The following ZNF251 variants were observed in gnomAD, a reference collection of about 807,000 sequenced individuals.
The protein encoded by ZNF251 is zinc finger protein 251.
ZNF251 carries 14 observed loss-of-function variants against 13.5 expected under a neutral mutation model. That is an observed-to-expected ratio of 1.04 (90% CI 0.69 to 1.63). ZNF251 has a LOEUF of 1.63. Ranked by LOEUF, ZNF251 falls within the 40% of genes most tolerant of loss-of-function variation. ZNF251 has a pLI of 0.00. For synonymous variants in ZNF251, 287 were observed against 295.2 expected, an observed-to-expected ratio of 0.97 and a Z score of 0.28; for missense variants, 764 against 834.9, an observed-to-expected ratio of 0.92 and a Z score of 1.05.
At chr8:144,740,333 T>C (rs1294724915) in intron 4 of ZNF251, among the ~76,000 whole-genome samples, 1 of 149,470 alleles carries the variant, frequency 6.7e-6, no homozygotes, top group Non-Finnish European at 1.5e-5. Flanking sequence ...TGAAGTTTTG[T>C]TGTGTTTTAA....
At chr8:144,753,881 GTGTGTA>G in intron 3 of ZNF251, 85 bp from the exon 4 acceptor site, 1 of 1,047,100 alleles carries the variant, frequency 9.6e-7, no homozygotes, top group Non-Finnish European at 1.4e-6. Context: ...CTGTGTGCAC[GTGTGTA>G]CGCCTGCACG....
At position 144,754,233 on chromosome 8, in the gene ZNF251, C is replaced by T. The variant is rs958659174; in HGVS notation, c.122G>A (p.Arg41Gln). The T allele has an allele frequency of 6.2e-6, 10 of 1,614,052 alleles. No homozygotes were observed. In the East Asian group the frequency reaches 1.3e-4, roughly 22 times the overall value. ...CCCATAGTTCTCCAGCATCACATCC[C>T]GGTAGAGCGCCCGCTGCTGGGGGCC... ...QLGPQQRALYRDVMLENYGNV... is the reference protein window; with the variant it reads ...QLGPQQRALYQDVMLENYGNV... The change falls in exon 3 of 5, where the codon CGG becomes CAG. Residue 41 changes from arginine to glutamine, a missense_variant. Transcript: ENST00000292562.
chr8:144,749,447 C>G (rs1210902675), intron 4 of ZNF251, among the ~76,000 whole-genome samples: 1 of 152,046 alleles, frequency 6.6e-6, no homozygotes. Flanking sequence ...GACTGTGCCA[C>G]TGCACTCCAC....
chr8:144,730,108 C>T (rs1823650143), intron 4 of ZNF251: 1 of 985,330 alleles, frequency 1.0e-6, no homozygotes, highest in Non-Finnish European at 1.2e-6. Context: ...TCACCAGAGT[C>T]GGCTGAAAAG....
At chr8:144,749,051 G>A (rs906930844) in intron 4 of ZNF251, among the ~76,000 whole-genome samples, 3 of 152,334 alleles carry the variant, frequency 2.0e-5, no homozygotes, top group Admixed American at 6.5e-5. Flanking sequence ...TGTAGTCCCA[G>A]CTGCCCGGGA....
At position 144,755,508 on chromosome 8, in the gene ZNF251, G is replaced by T; in HGVS notation, c.-179C>A. 7.8e-7 allele frequency: 1 copy of T among 1,286,510 alleles called. No individual in the cohort carries two copies. Among genetic ancestry groups the T allele is most frequent in the Non-Finnish European group, 1.0e-6 (1 of 988,464 alleles). 79.7% of individuals were successfully genotyped at this position (1,286,510 alleles called of 1,614,324 possible). A position where few individuals can be genotyped will look rare whatever the true frequency, so the allele number is the denominator to read the frequency against. ...CCACAGAACCGGGTCCAGAGCCGGG[G>T]AGGGGGCGGGCTAGGATGAAGAGGG... On this transcript the variant is annotated 5_prime_UTR_variant, in exon 1 of 5. Transcript: ENST00000292562.
chr8:144,732,726 G>T (rs553224780), intron 4 of ZNF251, among the ~76,000 whole-genome samples: 76 of 151,416 alleles, frequency 5.0e-4, no homozygotes, highest in Non-Finnish European at 1.0e-3. Context: ...GCAGGAGAAT[G>T]GCGTGAACCC....
At chr8:144,754,904 G>GA in intron 1 of ZNF251, 101 bp from the exon 2 acceptor site, 3 of 1,443,756 alleles carry the variant, frequency 2.1e-6, no homozygotes, top group Non-Finnish European at 2.7e-6. Flanking sequence ...CTGGGTCGCG[G>GA]GAGGCAGGTC....
At position 144,724,104 on chromosome 8, in the gene ZNF251, C is replaced by T. The variant is rs575619827; in HGVS notation, c.278-722G>A. Among the ~76,000 whole-genome samples, 17 of 151,838 alleles carry T rather than the reference C, an allele frequency of 1.1e-4. No homozygotes were observed. In the East Asian group the frequency reaches 2.1e-3, roughly 19 times the overall value. On this transcript the variant is annotated intron_variant, in intron 4 of 4. Transcript: ENST00000292562. The stretch of plus-strand genomic sequence containing the variant: ...TAAAAATACAAAAAAATTAGCCAGT[C>T]GAGGTGGCAGGCGCCCGTAGTCCCA...
intron 4 of ZNF251, among the ~76,000 whole-genome samples, chr8:144,730,828 C>T (rs979438955): frequency 4.6e-5 from 7 of 152,364 alleles, no homozygotes; most frequent in African/African-American, 1.4e-4. Context: ...CACCTGTGCT[C>T]ACCACTGCCC....
chr8:144,722,704 T>C lies in ZNF251; in HGVS notation c.956A>G (p.Lys319Arg). 1 of 1,614,092 alleles carries C rather than the reference T, an allele frequency of 6.2e-7. No homozygotes were observed. ...IQHRIIHTGE[K>R]PYKCNECGRG... ...TCCACATTCATTACACTTGTAGGGT[T>C]TCTCTCCTGTGTGAATGATCCGATG... Residue 319 changes from lysine (K) to arginine (R), a missense_variant, in exon 5 of 5, where the codon AAA (lysine) becomes AGA (arginine). Transcript: ENST00000292562. This position sits in a 1 kb window ranked among gnomAD's most constrained non-coding sequence, Gnocchi z 4.8.
intron 4 of ZNF251, among the ~76,000 whole-genome samples, chr8:144,742,593 C>T (rs1041553800): frequency 1.1e-4 from 16 of 151,794 alleles, no homozygotes; most frequent in Admixed American, 6.6e-5. Flanking sequence ...CTCGTGGTGC[C>T]GCGTGATCTA....
chr8:144,732,624 AAC>A (rs1186384610), intron 4 of ZNF251, among the ~76,000 whole-genome samples: 1 of 151,436 alleles, frequency 6.6e-6, no homozygotes, highest in Non-Finnish European at 1.5e-5. Flanking sequence ...CATCCTGGCC[AAC>A]ACGGTGAAAC....
At chr8:144,751,765 C>T (rs1358917280) in intron 4 of ZNF251, among the ~76,000 whole-genome samples, 1 of 151,892 alleles carries the variant, frequency 6.6e-6, no homozygotes, top group African/African-American at 2.4e-5. Context: ...AATTAAAAGA[C>T]AAAGATTGTT....
At chr8:144,753,047 T>C (rs768798482) in intron 4 of ZNF251, among the ~76,000 whole-genome samples, 21 of 151,888 alleles carry the variant, frequency 1.4e-4, no homozygotes, top group Non-Finnish European at 2.6e-4. Flanking sequence ...GAGGTCGACA[T>C]GGATCACTTG....
At chr8:144,742,065 C>T (rs1175537886) in intron 4 of ZNF251, among the ~76,000 whole-genome samples, 4 of 151,910 alleles carry the variant, frequency 2.6e-5, no homozygotes, top group East Asian at 1.9e-4. Context: ...TGCTGGGAAC[C>T]GAAACGACAG....
Position 144,753,002 on chromosome 8 carries a change from T to G in ZNF251, c.277+681A>C, listed in dbSNP as rs545366888. Among the ~76,000 whole-genome samples the G allele has an allele frequency of 3.9e-5, 6 of 152,018 alleles. No individual in the cohort carries two copies. The East Asian group carries it at 9.7e-4, about 24-fold the overall frequency. On this transcript the variant is annotated intron_variant, in intron 4 of 4. Transcript: ENST00000292562. ...ACATTAAAAAAAGCCACTGGTCAGGTGCAGTGGCTCATGCTTGTAATCTCA... is the reference window on the plus strand; with the variant it reads ...ACATTAAAAAAAGCCACTGGTCAGGGGCAGTGGCTCATGCTTGTAATCTCA...
At chr8:144,736,105 G>A (rs1325753714) in intron 4 of ZNF251, among the ~76,000 whole-genome samples, 1 of 152,208 alleles carries the variant, frequency 6.6e-6, no homozygotes, top group Non-Finnish European at 1.5e-5. Context: ...GGGACAACCA[G>A]AAAACAAGCT....
At chr8:144,750,324 T>C (rs1824635400) in intron 4 of ZNF251, among the ~76,000 whole-genome samples, 1 of 152,200 alleles carries the variant, frequency 6.6e-6, no homozygotes, top group African/African-American at 2.4e-5. Context: ...TGTTCTATGA[T>C]ACTATGAGCA....
Sources: gnomAD v4.1 joint callset for allele counts (sites outside exome capture counted in the v4.1 genomes callset) on GRCh38, gnomAD v4.1.1 for gene constraint, Gnocchi (gnomAD v3.1) non-coding constraint, MANE v1.5 for transcripts, NCBI Gene and HGNC (gene_info 2026-07-23, HGNC 2026-07-21) for gene names.